OGG1: variants seen among roughly 807,000 people sequenced by gnomAD.
The protein encoded by OGG1 is N-glycosylase/DNA lyase.
Under a neutral mutation model 42.3 loss-of-function variants are expected in OGG1, and 35 were observed. The ratio of observed to expected loss-of-function variants is 0.83; its 90% CI spans 0.63 to 1.10. The LOEUF (loss-of-function observed/expected upper bound fraction) is 1.10. OGG1 is among the 50% of genes least tolerant of loss of function. OGG1 has a pLI of 0.00. For synonymous variants in OGG1, 189 were observed against 179.0 expected (o/e 1.06, Z -0.44); for missense variants, 484 against 446.7 (o/e 1.08, Z -0.75).
downstream of OGG1, among the ~76,000 whole-genome samples, chr3:9,788,935 A>G (rs577746652): frequency 6.6e-5 from 10 of 151,310 alleles, no homozygotes; most frequent in Admixed American, 5.3e-4. Context: ...TCCCGGGTCC[A>G]AGAGATCCTC....
At chr3:9,767,762 C>A (rs200234296), downstream of OGG1, 6 of 1,613,722 alleles carry the variant, frequency 3.7e-6, no homozygotes, top group Admixed American at 8.3e-5. Context: ...CCCACTGCCC[C>A]CCGACCACAG....
downstream of OGG1, among the ~76,000 whole-genome samples, chr3:9,790,918 C>T (rs2078714233): frequency 6.6e-6 from 1 of 152,210 alleles, no homozygotes. Flanking sequence ...AACATCACAT[C>T]ACCTGGTATG....
chr3:9,775,221 A>G (rs2125607825), intron 2 of OGG1, among the ~76,000 whole-genome samples: 1 of 152,248 alleles, frequency 6.6e-6, no homozygotes, highest in Admixed American at 6.5e-5. Context: ...CCTGGGCAAC[A>G]GAGCAAGACC....
downstream of OGG1, chr3:9,761,674 C>T (rs746152391): frequency 7.4e-6 from 12 of 1,614,136 alleles, no homozygotes; most frequent in Middle Eastern, 1.6e-4. Flanking sequence ...GCACACTGCC[C>T]GGGTCCTCCA....
chr3:9,756,584 G>A lies in OGG1; in HGVS notation c.861G>A (p.Gln287=). 1 of 1,614,178 alleles carries A rather than the reference G, an allele frequency of 6.2e-7. No individual in the cohort carries two copies. The highest frequency in any genetic ancestry group is 8.5e-7 in the Non-Finnish European group (1 of 1,180,012). The change falls in exon 5 of 7, where the codon CAG becomes CAA. Residue 287 remains glutamine, a synonymous_variant. Coordinates refer to ENST00000344629, the MANE Select transcript of OGG1 (RefSeq NM_002542.6). ...RDYSWHPTTS[Q]AKGPSPQTNK... ...ACAGCTGGCACCCTACCACGTCCCA[G>A]GCGAAGGGACCGAGCCCCCAGACCA...
At chr3:9,767,361 A>T (rs1206076503), downstream of OGG1, among the ~76,000 whole-genome samples, 1 of 152,246 alleles carries the variant, frequency 6.6e-6, no homozygotes, top group Non-Finnish European at 1.5e-5. Flanking sequence ...GAACAGAGCC[A>T]TCTCCAGCCT....
downstream of OGG1, chr3:9,762,260 C>T (rs1284476595): frequency 6.5e-6 from 1 of 153,756 alleles, no homozygotes; most frequent in East Asian, 1.9e-4. Context: ...AGCCCCGTCG[C>T]TATTTCCGAG....
intron 3 of OGG1, chr3:9,787,461 G>C: frequency 7.3e-7 from 1 of 1,370,658 alleles, no homozygotes; most frequent in Non-Finnish European, 9.8e-7. Flanking sequence ...CAAGCCCAGT[G>C]TCAGGTGTAG....
chr3:9,764,882 C>A (rs897764382), intron 7 of OGG1, among the ~76,000 whole-genome samples: 2 of 151,976 alleles, frequency 1.3e-5, no homozygotes, highest in African/African-American at 4.8e-5. Flanking sequence ...CTCAGCTCTG[C>A]CACAAACTTG....
rs189303312 is a variant in OGG1 at position 9,787,115 on chromosome 3, C to T, written c.383-613C>T. 4.6e-5 allele frequency: 75 copies of T among 1,614,150 alleles called. No homozygotes were observed. The Middle Eastern group carries it at 4.9e-4, about 11-fold the overall frequency. The stretch of plus-strand genomic sequence containing the variant: ...CTTCAGCAGGGCATCCACATCTAAG[C>T]GGGCACAGGAAAGGAGGGGAGGTGG... On this transcript the variant is annotated intron_variant, in intron 3 of 3. Coordinates refer to the OGG1 transcript ENST00000426518.
At chr3:9,773,630 C>CT (rs35023365) in intron 2 of OGG1, among the ~76,000 whole-genome samples, 48,494 of 143,080 alleles carry the variant, frequency 0.34, 8,323 homozygotes, top group East Asian at 0.58. Context: ...ATCTTTTCTT[C>CT]TTTTTTTTTT....
At position 9,756,835 on chromosome 3, in the gene OGG1, C is replaced by T. The variant is rs2077589959; in HGVS notation, c.948+19C>T. On this transcript the variant is annotated intron_variant, in intron 6 of 6. Transcript: ENST00000344629. ...CCAAGCGGTGAGTGTACCTAGGTGT[C>T]CTCCCTAGGTTTCCTCTCCTCCAGC... 7.4e-6 allele frequency: 12 copies of T among 1,613,298 alleles called. No homozygotes were observed. The highest frequency in any genetic ancestry group is 1.0e-5 in the Non-Finnish European group (12 of 1,179,818).
At chr3:9,761,452 C>G (rs2077866694), downstream of OGG1, 2 of 1,606,294 alleles carry the variant, frequency 1.2e-6, no homozygotes, top group East Asian at 2.2e-5. Flanking sequence ...ATGGCCAAGC[C>G]CCACTTACAA....
chr3:9,787,758 TGAAAGA>T, exon 4 of OGG1: 1 of 1,250,136 alleles, frequency 8.0e-7, no homozygotes. Flanking sequence ...ATAAGTGAAG[TGAAAGA>T]GAGAGATCAA....
chr3:9,764,628 GTTTTTT>G (rs55972033), intron 7 of OGG1, among the ~76,000 whole-genome samples: 2 of 92,326 alleles, frequency 2.2e-5, no homozygotes, highest in African/African-American at 4.3e-5. Context: ...TTTTTTTTTT[GTTTTTT>G]TTTTTTTTTT....
At position 9,750,224 on chromosome 3, in the gene OGG1, G is replaced by T; in HGVS notation, c.-63G>T. 1 of 1,564,422 alleles carries T rather than the reference G, an allele frequency of 6.4e-7. No homozygotes were observed. The highest frequency in any genetic ancestry group is 1.2e-5 in the South Asian group (1 of 84,948). On this transcript the variant is annotated 5_prime_UTR_variant, in exon 1 of 7. Coordinates refer to ENST00000344629, the MANE Select transcript of OGG1 (RefSeq NM_002542.6). ...TGGTCCTTGTCTGGGCGGGGTCTTTGGGCGTCGACGAGGCCTGGTTCTGGG... is the reference window on the plus strand; with the variant it reads ...TGGTCCTTGTCTGGGCGGGGTCTTTTGGCGTCGACGAGGCCTGGTTCTGGG...
chr3:9,777,063 T>C (rs2078374163), intron 2 of OGG1, among the ~76,000 whole-genome samples: 1 of 152,152 alleles, frequency 6.6e-6, no homozygotes, highest in Non-Finnish European at 1.5e-5. Flanking sequence ...CCAGAGCACT[T>C]GGTGCCCAGA....
chr3:9,758,651 G>A (rs1470766446), downstream of OGG1: 1 of 156,510 alleles, frequency 6.4e-6, no homozygotes, highest in African/African-American at 2.4e-5. Flanking sequence ...TTTTTTTGAG[G>A]TGGAGTCTCA....
chr3:9,754,505 A>G (rs907053935), intron 3 of OGG1, among the ~76,000 whole-genome samples, 199 bp from the exon 4 acceptor site: 1 of 152,220 alleles, frequency 6.6e-6, no homozygotes, highest in East Asian at 1.9e-4. Context: ...AGGTGCTCAG[A>G]AAACATGTGT....
Sources: gnomAD v4.1 joint callset for allele counts (sites outside exome capture counted in the v4.1 genomes callset) on GRCh38, gnomAD v4.1.1 for gene constraint, MANE v1.5 for transcripts, NCBI Gene and HGNC (gene_info 2026-07-23, HGNC 2026-07-21) for gene names.